The following ME3 variants were observed in gnomAD, a reference collection of about 807,000 sequenced individuals.
The protein encoded by ME3 is NADP-dependent malic enzyme, mitochondrial.
A neutral mutation model predicts 68.9 loss-of-function variants in ME3; 48 were observed. The ratio of observed to expected loss-of-function variants is 0.70; its 90% CI spans 0.55 to 0.89. ME3 has a LOEUF of 0.89. Among genes scored for constraint, ME3 ranks in the 40% least tolerant of loss-of-function variants. The pLI is 0.00. For synonymous variants in ME3, 320 were observed against 318.8 expected (o/e 1.00, Z -0.04); for missense variants, 675 against 797.4 (o/e 0.85, Z 1.85).
At chr11:86,653,793 C>T (rs1945649185) in intron 2 of ME3, among the ~76,000 whole-genome samples, 1 of 152,080 alleles carries the variant, frequency 6.6e-6, no homozygotes, top group African/African-American at 2.4e-5. Flanking sequence ...TTCAAAAAAT[C>T]AATGAATCCA....
At chr11:86,597,098 C>T (rs1368656689) in intron 2 of ME3, among the ~76,000 whole-genome samples, 1 of 152,204 alleles carries the variant, frequency 6.6e-6, no homozygotes, top group Non-Finnish European at 1.5e-5. Flanking sequence ...GTGCTGTAAG[C>T]AGATTAGGTA....
chr11:86,634,909 TAAC>T (rs150670809), intron 2 of ME3, among the ~76,000 whole-genome samples: 17 of 151,674 alleles, frequency 1.1e-4, no homozygotes, highest in East Asian at 3.9e-4. Context: ...ATCGTGAGAA[TAAC>T]AACAACAACA....
intron 7 of ME3, among the ~76,000 whole-genome samples, chr11:86,471,228 C>G (rs1056220406): frequency 6.7e-6 from 1 of 149,060 alleles, no homozygotes; most frequent in Non-Finnish European, 1.5e-5. Context: ...CTCCACCTCC[C>G]GGGTTCAAGC....
intron 4 of ME3, among the ~76,000 whole-genome samples, chr11:86,528,799 T>G (rs888293725): frequency 3.3e-5 from 5 of 152,198 alleles, no homozygotes; most frequent in Middle Eastern, 6.8e-3. Flanking sequence ...AGATGTTCTT[T>G]GAAACCAACG....
At chr11:86,558,885 A>G (rs1209030922) in intron 3 of ME3, among the ~76,000 whole-genome samples, 1 of 152,156 alleles carries the variant, frequency 6.6e-6, no homozygotes, top group Non-Finnish European at 1.5e-5. Context: ...GAGGCTAAGT[A>G]ACTTTTGCCA....
intron 4 of ME3, among the ~76,000 whole-genome samples, chr11:86,544,198 A>C (rs1327582727): frequency 2.0e-5 from 3 of 152,266 alleles, no homozygotes; most frequent in Non-Finnish European, 4.4e-5. Context: ...CCACATAGAA[A>C]GCAGGAAAGA....
chr11:86,453,389 G>T (rs895490039), intron 8 of ME3, among the ~76,000 whole-genome samples: 1 of 152,042 alleles, frequency 6.6e-6, no homozygotes, highest in Non-Finnish European at 1.5e-5. Context: ...ACCAATTATT[G>T]GGTAATTGTT....
At chr11:86,586,526 T>C (rs533048789) in intron 2 of ME3, among the ~76,000 whole-genome samples, 39 of 152,138 alleles carry the variant, frequency 2.6e-4, no homozygotes, top group Non-Finnish European at 4.6e-4. Context: ...GAAGCCAACA[T>C]ATTGATGCTG....
At chr11:86,444,037 C>A (rs1949150329) in intron 13 of ME3, among the ~76,000 whole-genome samples, 1 of 152,166 alleles carries the variant, frequency 6.6e-6, no homozygotes, top group African/African-American at 2.4e-5. Flanking sequence ...ATAGTCTTTT[C>A]TCTTATGGAG....
chr11:86,460,954 AGCTTGTGACTGTG>A (rs1451128402), intron 8 of ME3, among the ~76,000 whole-genome samples: 23 of 152,198 alleles, frequency 1.5e-4, no homozygotes, highest in Non-Finnish European at 2.9e-5. Flanking sequence ...ATCCCTAACC[AGCTTGTGACTGTG>A]GGCCTCATCT....
At chr11:86,494,314 C>G (rs1333549836) in intron 6 of ME3, among the ~76,000 whole-genome samples, 1 of 152,140 alleles carries the variant, frequency 6.6e-6, no homozygotes, top group Non-Finnish European at 1.5e-5. Context: ...ATTTCCCAGT[C>G]TATAATGCAA....
chr11:86,633,445 T>C (rs965536186), intron 2 of ME3, among the ~76,000 whole-genome samples: 1 of 152,180 alleles, frequency 6.6e-6, no homozygotes, highest in Non-Finnish European at 1.5e-5. Flanking sequence ...ACCCAGGTAA[T>C]GCTGGTTCTA....
chr11:86,504,274 G>C (rs1952915285), intron 5 of ME3, among the ~76,000 whole-genome samples: 1 of 151,358 alleles, frequency 6.6e-6, no homozygotes, highest in African/African-American at 2.4e-5. Flanking sequence ...CTGGAGAAAT[G>C]ACTTAGAACC....
At chr11:86,607,836 C>T (rs1315034384) in intron 2 of ME3, among the ~76,000 whole-genome samples, 7 of 152,026 alleles carry the variant, frequency 4.6e-5, no homozygotes, top group African/African-American at 1.7e-4. Flanking sequence ...ACTCCCCGTT[C>T]GACATGATAG....
chr11:86,656,053 C>T (rs1945846323), intron 2 of ME3, among the ~76,000 whole-genome samples: 1 of 151,066 alleles, frequency 6.6e-6, no homozygotes, highest in African/African-American at 2.4e-5. Flanking sequence ...AATGAGATAC[C>T]ATCTCACACC....
At chr11:86,518,499 T>C (rs1159756696) in intron 4 of ME3, among the ~76,000 whole-genome samples, 1 of 152,254 alleles carries the variant, frequency 6.6e-6, no homozygotes, top group Non-Finnish European at 1.5e-5. Flanking sequence ...TCATTTCTTC[T>C]CGAATTTATC....
chr11:86,568,972 A>G lies in ME3; in HGVS notation c.184-9149T>C, dbSNP rs375699130. Among the ~76,000 whole-genome samples the G allele has an allele frequency of 2.6e-5, 4 of 152,350 alleles. No individual in the cohort carries two copies. In the South Asian group the frequency reaches 8.3e-4, roughly 32 times the overall value. ...CCAATCCTGGGCCTCTGCCTTGGGC[A>G]AGCTGCTTCTCCCACTTATTAAATG... On this transcript the variant is annotated intron_variant, in intron 2 of 14. Coordinates refer to ENST00000543262, the Ensembl canonical transcript of ME3.
chr11:86,604,576 A>T (rs986792097), intron 2 of ME3, among the ~76,000 whole-genome samples: 1 of 152,214 alleles, frequency 6.6e-6, no homozygotes, highest in East Asian at 1.9e-4. Flanking sequence ...AATACAGTAA[A>T]CATAAATAAG....
At chr11:86,529,675 C>A (rs1476082487) in intron 4 of ME3, among the ~76,000 whole-genome samples, 1 of 152,236 alleles carries the variant, frequency 6.6e-6, no homozygotes, top group East Asian at 1.9e-4. Context: ...AAGTGGGCTT[C>A]ATCCCTGGGA....
Sources: allele counts gnomAD v4.1 joint callset (sites outside exome capture counted in the v4.1 genomes callset), GRCh38; gene constraint gnomAD v4.1.1; transcripts MANE v1.5; gene names NCBI Gene and HGNC (gene_info 2026-07-23, HGNC 2026-07-21).